The following BIRC6 variants were observed in gnomAD, a reference collection of about 807,000 sequenced individuals.
The protein encoded by BIRC6 is dual E2 ubiquitin-conjugating enzyme/E3 ubiquitin-protein ligase BIRC6.
In BIRC6, 98 loss-of-function variants were observed where a neutral mutation model predicts 503.3. The observed-to-expected ratio is 0.19, with a 90% CI of 0.17 to 0.23. BIRC6 has a LOEUF of 0.23. BIRC6 is among the 10% of genes least tolerant of loss of function. The pLI is 1.00. For synonymous variants in BIRC6, 2,240 were observed against 2,078.7 expected (o/e 1.08, Z -2.11); for missense variants, 5,360 against 5,806.0 (o/e 0.92, Z 2.50).
At chr2:32,500,458 C>T (rs2053028668) in intron 46 of BIRC6, among the ~76,000 whole-genome samples, 1 of 149,856 alleles carries the variant, frequency 6.7e-6, no homozygotes. Flanking sequence ...GAGTCTTGCT[C>T]CCACGCTGGA....
intron 56 of BIRC6, 135 bp downstream of exon 56, chr2:32,518,532 C>T (rs78820896): frequency 1.1e-6 from 1 of 937,412 alleles, no homozygotes; most frequent in Admixed American, 3.0e-5. Flanking sequence ...TACCTAATGA[C>T]AGAACTTGAC....
At position 32,441,394 on chromosome 2, in the gene BIRC6, C is replaced by T. The variant is rs973861417; in HGVS notation, c.3876C>T (p.Gly1292=). 1.9e-6 allele frequency: 3 copies of T among 1,609,482 alleles called. No homozygotes were observed. The highest frequency in any genetic ancestry group is 2.6e-6 in the Non-Finnish European group (3 of 1,176,254). The part of the protein sequence containing the change: ...SGTRKSENLR[G]CDLLQEVSVT... Reference sequence around the variant, plus strand: ...CCCGTAAATCTGAAAACCTCCGGGGCTGTGATTTACTTCAAGAGGTCTCAG... The same window carrying T: ...CCCGTAAATCTGAAAACCTCCGGGGTTGTGATTTACTTCAAGAGGTCTCAG... The change falls in exon 17 of 74, where the codon GGC becomes GGT. Residue 1292 remains glycine (G), a synonymous_variant. Transcript: ENST00000421745.
intron 20 of BIRC6, among the ~76,000 whole-genome samples, chr2:32,444,186 G>T (rs369009616): frequency 6.6e-6 from 1 of 152,076 alleles, no homozygotes; most frequent in Non-Finnish European, 1.5e-5. Flanking sequence ...TGAACATATG[G>T]TTAGAAGAAA....
At position 32,464,674 on chromosome 2, in the gene BIRC6, C is replaced by T. The variant is rs567218300; in HGVS notation, c.5107C>T (p.Leu1703Phe). The change falls in exon 25 of 74, where the codon CTT (leucine) becomes TTT (phenylalanine). Residue 1703 changes from leucine to phenylalanine, a missense_variant. By Grantham distance (22) the Leu-to-Phe change is conservative (BLOSUM62 0). Around this residue, in one of 16 missense-constraint regions of BIRC6, gnomAD observed 2,299 missense variants for 2,267.2 expected, o/e 1.01. Transcript: ENST00000421745. The stretch of plus-strand genomic sequence containing the variant: ...TCCACCCACTCCAAAAACAACACCT[C>T]TTTTTATGACTCCACCACTCACTCC... Reference protein sequence around the residue: ...VIPPTPKTTPLFMTPPLTPPN... With the variant: ...VIPPTPKTTPFFMTPPLTPPN... The T allele has an allele frequency of 4.3e-6, 7 of 1,613,926 alleles. No homozygotes were observed. In the Admixed American group the frequency reaches 8.3e-5, roughly 19 times the overall value.
rs749966162 is a variant in BIRC6 at position 32,453,889 on chromosome 2, A to T, written c.4700A>T (p.His1567Leu). The change falls in exon 23 of 74, where the codon CAC becomes CTC. Residue 1567 changes from histidine (H) to leucine (L), a missense_variant. His to Leu is a moderately conservative substitution (Grantham distance 99, BLOSUM62 -3). Coordinates refer to ENST00000421745, the MANE Select transcript of BIRC6 (RefSeq NM_016252.4). ...LTGLLEVEPLHFTCVSTSDGT... is the reference protein window; with the variant it reads ...LTGLLEVEPLLFTCVSTSDGT... ...GGACTTTTGGAAGTTGAACCTCTGCACTTTACTTGTGTGTCAACTAGTGAT... is the reference window on the plus strand; with the variant it reads ...GGACTTTTGGAAGTTGAACCTCTGCTCTTTACTTGTGTGTCAACTAGTGAT... 1.9e-6 allele frequency: 3 copies of T among 1,613,626 alleles called. No homozygotes were observed. Among genetic ancestry groups the T allele is most frequent in the Non-Finnish European group, 2.5e-6 (3 of 1,179,568 alleles).
Position 32,357,339 on chromosome 2 carries a change from G to A in BIRC6, c.178G>A (p.Asp60Asn), listed in dbSNP as rs1272264782. Residue 60 changes from aspartate to asparagine, a missense_variant, in exon 1 of 74, where the codon GAC (aspartate) becomes AAC (asparagine). By Grantham distance (23) the Asp-to-Asn change is conservative. This residue lies in a region of BIRC6 where 145 missense variants were observed against 106.9 expected (regional missense o/e 1.36). Transcript: ENST00000421745. This position sits in a 1 kb window ranked among gnomAD's most constrained non-coding sequence, Gnocchi z 4.9. ...GGTCTCAGAGTGGCTGGTGCTGCGG[G>A]ACGGCTGCATGCACTGCGACGCCGA... Reference protein sequence around the residue: ...AGVSEWLVLRDGCMHCDADGL... With the variant: ...AGVSEWLVLRNGCMHCDADGL... 6.5e-7 allele frequency: 1 copy of A among 1,541,824 alleles called. No homozygotes were observed.
intron 23 of BIRC6, among the ~76,000 whole-genome samples, chr2:32,455,896 C>T (rs1462476975): frequency 6.6e-6 from 1 of 152,092 alleles, no homozygotes; most frequent in Non-Finnish European, 1.5e-5. Context: ...AATGTTGAGG[C>T]AAAGTGCTGA....
chr2:32,494,681 C>T (rs1460945563), intron 45 of BIRC6, among the ~76,000 whole-genome samples: 1 of 151,878 alleles, frequency 6.6e-6, no homozygotes, highest in African/African-American at 2.4e-5. Flanking sequence ...GCGGGAAGAT[C>T]GCTTAAGCCC....
Position 32,414,756 on chromosome 2 carries a change from T to C in BIRC6, c.1478-13T>C. The C allele has an allele frequency of 6.3e-7, 1 of 1,597,322 alleles. No homozygotes were observed. The highest frequency in any genetic ancestry group is 8.6e-7 in the Non-Finnish European group (1 of 1,169,172). On this transcript the variant is annotated splice_polypyrimidine_tract_variant and intron_variant, in intron 9 of 73. Coordinates refer to ENST00000421745, the MANE Select transcript of BIRC6 (RefSeq NM_016252.4). ...GTAGAAACATATCTAATGAATATTG[T>C]TCCTTTTTAAAGGGCATACATCACA...
chr2:32,608,934 C>A (rs775529509), intron 72 of BIRC6, among the ~76,000 whole-genome samples: 7 of 151,890 alleles, frequency 4.6e-5, no homozygotes, highest in Non-Finnish European at 8.8e-5. Context: ...TGCTGGAATA[C>A]AGTGGCGGAA....
At chr2:32,497,994 T>C (rs1039613167) in intron 45 of BIRC6, among the ~76,000 whole-genome samples, 24 of 152,232 alleles carry the variant, frequency 1.6e-4, no homozygotes, top group African/African-American at 5.8e-4. Context: ...AAGAAATCTT[T>C]TTCTGTTGAC....
chr2:32,538,176 G>A (rs537164505), intron 61 of BIRC6, among the ~76,000 whole-genome samples: 4 of 152,272 alleles, frequency 2.6e-5, no homozygotes, highest in African/African-American at 9.6e-5. Context: ...ATTGGCTGGA[G>A]TTTGATTCTT....
At chr2:32,504,706 TAA>T (rs1392256006) in intron 49 of BIRC6, among the ~76,000 whole-genome samples, 4 of 151,772 alleles carry the variant, frequency 2.6e-5, no homozygotes, top group African/African-American at 9.7e-5. Flanking sequence ...AAAAAAAATT[TAA>T]AAAAAGTTTG....
At chr2:32,514,402 C>T (rs193178336) in intron 54 of BIRC6, among the ~76,000 whole-genome samples, 1 of 152,138 alleles carries the variant, frequency 6.6e-6, no homozygotes, top group African/African-American at 2.4e-5. Flanking sequence ...TTTTATTTAC[C>T]CACATTTCTT....
Position 32,415,411 on chromosome 2 carries a change from A to G in BIRC6, c.2120A>G (p.Asn707Ser), listed in dbSNP as rs1163546093. 1.9e-6 allele frequency: 3 copies of G among 1,613,776 alleles called. No individual in the cohort carries two copies. Among genetic ancestry groups the G allele is most frequent in the Middle Eastern group, 1.6e-4 (1 of 6,062 alleles). The change falls in exon 10 of 74, where the codon AAC becomes AGC. Residue 707 changes from asparagine (N) to serine (S), a missense_variant. By Grantham distance (46) the Asn-to-Ser change is conservative (BLOSUM62 1). Coordinates refer to ENST00000421745, the MANE Select transcript of BIRC6 (RefSeq NM_016252.4). ...NLTSPDSEKW[N>S]SVFPKPGTLV... ...ACCTCTCCGGATTCTGAGAAGTGGA[A>G]CTCTGTGTTTCCCAAGCCTGGGACT...
intron 40 of BIRC6, among the ~76,000 whole-genome samples, chr2:32,486,848 G>T (rs768654254): frequency 1.3e-5 from 2 of 152,090 alleles, no homozygotes; most frequent in East Asian, 1.9e-4. Context: ...AAATATTCTT[G>T]TATCTTATCT....
chr2:32,450,031 G>A (rs1321420980), intron 22 of BIRC6, among the ~76,000 whole-genome samples: 2 of 152,170 alleles, frequency 1.3e-5, no homozygotes, highest in Admixed American at 1.3e-4. Flanking sequence ...GGAGAGACTA[G>A]AACTGGAGAT....
At chr2:32,533,602 A>G (rs1474181054) in intron 61 of BIRC6, among the ~76,000 whole-genome samples, 1 of 152,232 alleles carries the variant, frequency 6.6e-6, no homozygotes, top group Non-Finnish European at 1.5e-5. Context: ...AGAAACATCA[A>G]AAGTCAGAGT....
chr2:32,598,702 T>A (rs568001492), intron 69 of BIRC6, among the ~76,000 whole-genome samples: 1 of 152,278 alleles, frequency 6.6e-6, no homozygotes, highest in East Asian at 1.9e-4. Flanking sequence ...ATTGGCCCAT[T>A]GACTTGTAGA....
Sources: allele counts gnomAD v4.1 joint callset (sites outside exome capture counted in the v4.1 genomes callset), GRCh38; gene constraint gnomAD v4.1.1; regional missense constraint gnomAD v4.1.1; non-coding constraint Gnocchi (gnomAD v3.1); transcripts MANE v1.5; gene names NCBI Gene and HGNC (gene_info 2026-07-23, HGNC 2026-07-21).